Variants in SH3RF1 observed in about 807,000 individuals in gnomAD.
SH3RF1 encodes SH3 domain containing ring finger 1.
In SH3RF1, 32 loss-of-function variants were observed where a neutral mutation model predicts 74.0. That is an observed-to-expected ratio of 0.43 (90% CI 0.33 to 0.58). The LOEUF is 0.58. SH3RF1 is among the 20% of genes least tolerant of loss of function. SH3RF1 has a pLI of 0.05. For synonymous variants in SH3RF1, 396 were observed against 439.6 expected (o/e 0.90, Z 1.24); for missense variants, 954 against 1,130.9 (o/e 0.84, Z 2.24).
chr4:169,100,630 A>C (rs1266691342), intron 11 of SH3RF1, among the ~76,000 whole-genome samples: 1 of 152,142 alleles, frequency 6.6e-6, no homozygotes, highest in Admixed American at 6.5e-5. Context: ...AACCCAGTCT[A>C]TGCAGAGCTC....
At chr4:169,243,668 T>C (rs1329401984) in intron 2 of SH3RF1, among the ~76,000 whole-genome samples, 3 of 152,272 alleles carry the variant, frequency 2.0e-5, no homozygotes, top group Non-Finnish European at 4.4e-5. Flanking sequence ...ATTTCATTCA[T>C]GCCACAAGGT....
At chr4:169,115,250 G>T (rs1325386033) in intron 10 of SH3RF1, among the ~76,000 whole-genome samples, 1 of 152,152 alleles carries the variant, frequency 6.6e-6, no homozygotes, top group Non-Finnish European at 1.5e-5. Flanking sequence ...CTTAAGGTCA[G>T]ATGTACTGGG....
intron 2 of SH3RF1, among the ~76,000 whole-genome samples, chr4:169,243,129 C>T (rs1456165697): frequency 6.6e-6 from 1 of 152,120 alleles, no homozygotes; most frequent in Non-Finnish European, 1.5e-5. Context: ...CTCTCATTAG[C>T]CTAGAATAAA....
intron 2 of SH3RF1, among the ~76,000 whole-genome samples, chr4:169,186,786 C>A (rs1381863589): frequency 1.3e-5 from 2 of 149,224 alleles, no homozygotes; most frequent in African/African-American, 4.9e-5. Flanking sequence ...GCAGGCGGAT[C>A]ACGAGGTCAG....
intron 2 of SH3RF1, among the ~76,000 whole-genome samples, chr4:169,207,477 T>C (rs561361268): frequency 2.0e-5 from 3 of 152,304 alleles, no homozygotes; most frequent in East Asian, 3.9e-4. Context: ...CTGGATATTA[T>C]ACCATTTGCT....
At chr4:169,211,916 A>C (rs893630641) in intron 2 of SH3RF1, among the ~76,000 whole-genome samples, 1 of 152,188 alleles carries the variant, frequency 6.6e-6, no homozygotes, top group East Asian at 1.9e-4. Flanking sequence ...AAAAATTGCA[A>C]AAGTCACTGT....
chr4:169,116,364 T>G lies in SH3RF1; in HGVS notation c.2044A>C (p.Ile682Leu). 3.7e-6 allele frequency: 6 copies of G among 1,614,188 alleles called. No homozygotes were observed. Among genetic ancestry groups the G allele is most frequent in the Non-Finnish European group, 5.1e-6 (6 of 1,180,030 alleles). ...ASLEAEPSGR[I>L]VTVLPGLPTS... ...GGGAGTCCAGGGAGAACGGTCACTA[T>G]CCGGCCACTGGGCTCAGCCTCCAGA... Residue 682 changes from isoleucine (I) to leucine (L), a missense_variant, in exon 10 of 12, where the codon ATA becomes CTA. Transcript: ENST00000284637.
At chr4:169,137,302 A>C (rs1295078027) in intron 4 of SH3RF1, among the ~76,000 whole-genome samples, 3 of 152,188 alleles carry the variant, frequency 2.0e-5, no homozygotes, top group Non-Finnish European at 4.4e-5. Context: ...TGGCAAGTTA[A>C]CTTCATCTAT....
chr4:169,143,703 C>T (rs80195701), intron 4 of SH3RF1, among the ~76,000 whole-genome samples: 190 of 152,314 alleles, frequency 1.2e-3, no homozygotes, highest in Non-Finnish European at 2.5e-3. Context: ...ACAAGCCTCA[C>T]TACATCCTGC....
At chr4:169,228,255 T>C (rs1403197916) in intron 2 of SH3RF1, among the ~76,000 whole-genome samples, 1 of 152,214 alleles carries the variant, frequency 6.6e-6, no homozygotes, top group East Asian at 1.9e-4. Context: ...GACATGTGTT[T>C]CCCACAGCTG....
At chr4:169,097,193 G>C (rs1732946133) in intron 11 of SH3RF1, among the ~76,000 whole-genome samples, 1 of 152,182 alleles carries the variant, frequency 6.6e-6, no homozygotes, top group South Asian at 2.1e-4. Flanking sequence ...AGGTGAGTCT[G>C]GAAGTCTGTC....
At chr4:169,199,568 G>C (rs919943361) in intron 2 of SH3RF1, among the ~76,000 whole-genome samples, 1 of 151,966 alleles carries the variant, frequency 6.6e-6, no homozygotes, top group African/African-American at 2.4e-5. Flanking sequence ...CAGTCACACA[G>C]TATGTATAAC....
rs1045447084 is a variant in SH3RF1, at chr4:169,107,170, G to A, written c.2175C>T (p.Gly725=). The part of the protein sequence containing the change: ...EKKGLLKLLS[G]ASTKRKPRVS... ...CGCGGGGCTTCCGTTTAGTGGAGGC[G>A]CCAGAAAGCAACTTCAACAAACCCT... Residue 725 remains glycine, a synonymous_variant, in exon 11 of 12, where the codon GGC becomes GGT. Transcript: ENST00000284637. The A allele has an allele frequency of 5.8e-6, 9 of 1,558,374 alleles. No individual in the cohort carries two copies. Among genetic ancestry groups the A allele is most frequent in the South Asian group, 1.2e-5 (1 of 84,652 alleles).
chr4:169,269,186 A>C lies in SH3RF1; in HGVS notation c.27T>G (p.Leu9=), dbSNP rs1158423894. The change falls in exon 2 of 12, where the codon CTT becomes CTG. Residue 9 remains leucine, a synonymous_variant. Coordinates refer to ENST00000284637, the MANE Select transcript of SH3RF1 (RefSeq NM_020870.4). ...GCTCTAGACACACCGGACACTCCAA[A>C]AGATCCAACAAGGCTGATTCATCCA... MDESALLD[L]LECPVCLERL... is the part of the protein sequence containing the mutation. The C allele has an allele frequency of 6.3e-7, 1 of 1,595,034 alleles. No individual in the cohort carries two copies. Among genetic ancestry groups the C allele is most frequent in the Non-Finnish European group, 8.5e-7 (1 of 1,173,720 alleles).
intron 4 of SH3RF1, among the ~76,000 whole-genome samples, chr4:169,152,481 T>G (rs900799175): frequency 1.1e-4 from 16 of 152,184 alleles, no homozygotes; most frequent in Non-Finnish European, 2.2e-4. Context: ...CTCACGCTTG[T>G]AATCCCAGCA....
chr4:169,240,662 A>G (rs564570599), intron 2 of SH3RF1, among the ~76,000 whole-genome samples: 1 of 152,324 alleles, frequency 6.6e-6, no homozygotes, highest in Admixed American at 6.5e-5. Flanking sequence ...AAATTATATC[A>G]AGTTCATTAA....
At chr4:169,209,803 T>A (rs1053968495) in intron 2 of SH3RF1, among the ~76,000 whole-genome samples, 3 of 152,176 alleles carry the variant, frequency 2.0e-5, no homozygotes, top group Non-Finnish European at 4.4e-5. Context: ...TTTCTTTTAT[T>A]TTTGGAGACA....
intron 2 of SH3RF1, among the ~76,000 whole-genome samples, chr4:169,260,267 T>G (rs1372687229): frequency 6.6e-6 from 1 of 152,184 alleles, no homozygotes; most frequent in Non-Finnish European, 1.5e-5. Context: ...GACTTAATTA[T>G]GGGGCAAAAC....
chr4:169,155,597 A>T (rs1734035898), intron 3 of SH3RF1, 22 bp from the exon 4 acceptor site: 1 of 1,515,240 alleles, frequency 6.6e-7, no homozygotes, highest in Admixed American at 1.7e-5. Flanking sequence ...GCAAATCATT[A>T]ATCTACCTGA....
Sources: allele counts gnomAD v4.1 joint callset (sites outside exome capture counted in the v4.1 genomes callset), GRCh38; gene constraint gnomAD v4.1.1; transcripts MANE v1.5; gene names NCBI Gene and HGNC (gene_info 2026-07-23, HGNC 2026-07-21).